Variants in ERN1 observed in about 807,000 individuals in gnomAD.
ERN1 encodes serine/threonine-protein kinase/endoribonuclease IRE1.
In ERN1, 39 loss-of-function variants were observed where a neutral mutation model predicts 113.1. The ratio of observed to expected loss-of-function variants is 0.34; its 90% CI spans 0.27 to 0.45. The LOEUF is 0.45. ERN1 is among the 20% of genes least tolerant of loss of function. ERN1 has a pLI of 1.00. For synonymous variants in ERN1, 507 were observed against 515.9 expected (o/e 0.98, Z 0.23); for missense variants, 976 against 1,274.8 (o/e 0.77, Z 3.57).
intron 17 of ERN1, among the ~76,000 whole-genome samples, chr17:64,051,409 A>AGAG (rs1183496566): frequency 2.6e-5 from 4 of 152,362 alleles, no homozygotes; most frequent in Admixed American, 2.6e-4. Flanking sequence ...AGCATCACTA[A>AGAG]GAGGAGGTGA....
Position 64,111,701 on chromosome 17 carries a change from G to C in ERN1, c.55-13460C>G, listed in dbSNP as rs141854922. 1.1e-3 allele frequency among the ~76,000 whole-genome samples: 170 copies of C among 152,228 alleles called. 1 individual carries two copies. Among genetic ancestry groups the C allele is most frequent in the African/African-American group, 3.5e-3 (146 of 41,540 alleles). ...CCATCTTCTCTAGGTCCCAGAAGTG[G>C]ACCTGGGCATCTGGATTGTGGGGCA... is the stretch of plus-strand genomic sequence containing the variant. On this transcript the variant is annotated intron_variant, in intron 1 of 21. Coordinates refer to ENST00000433197, the MANE Select transcript of ERN1 (RefSeq NM_001433.5).
chr17:64,105,783 T>C (rs987262547), intron 1 of ERN1, among the ~76,000 whole-genome samples: 1 of 152,134 alleles, frequency 6.6e-6, no homozygotes, highest in Admixed American at 6.5e-5. Context: ...CTGGCCAACG[T>C]GGTGAAACCC....
chr17:64,049,328 A>G lies in ERN1; in HGVS notation c.2254-126T>C, dbSNP rs1912611611. The stretch of plus-strand genomic sequence containing the variant: ...AGGTGTCCTGGGAGAATCAGCTGAC[A>G]TATGTGAGCTGCACAGAGCAGCGAG... On this transcript the variant is annotated intron_variant, in intron 17 of 21. Coordinates refer to ENST00000433197, the MANE Select transcript of ERN1 (RefSeq NM_001433.5). This position sits in a 1 kb window ranked among gnomAD's most constrained non-coding sequence, Gnocchi z 4.7. 1 of 996,258 alleles carries G rather than the reference A, an allele frequency of 1.0e-6. No individual in the cohort carries two copies. Among genetic ancestry groups the G allele is most frequent in the Non-Finnish European group, 1.4e-6 (1 of 702,080 alleles). 61.7% of individuals were successfully genotyped at this position (996,258 alleles called of 1,614,324 possible). A position where few individuals can be genotyped will look rare whatever the true frequency, so the allele number is the denominator to read the frequency against.
chr17:64,107,065 C>T (rs1182890999), intron 1 of ERN1, among the ~76,000 whole-genome samples: 1 of 152,130 alleles, frequency 6.6e-6, no homozygotes, highest in African/African-American at 2.4e-5. Context: ...CTTTCTAATA[C>T]CATTTCATCA....
intron 10 of ERN1, among the ~76,000 whole-genome samples, chr17:64,062,994 C>T (rs2143364845): frequency 6.6e-6 from 1 of 152,358 alleles, no homozygotes; most frequent in Admixed American, 6.5e-5. Flanking sequence ...ACCTACACCG[C>T]ACTGCCTGGC....
chr17:64,119,376 G>GTTGTTTTTTTTTTTTTTTTTTTTTTTTT (rs777806993), intron 1 of ERN1, among the ~76,000 whole-genome samples: 3 of 77,910 alleles, frequency 3.9e-5, no homozygotes, highest in African/African-American at 1.7e-4. Context: ...TTTTTTCTAG[G>GTTGTTTTTTTTTTTTTTTTTTTTTTTTT]TTTTTTTTTT....
At chr17:64,079,278 C>G (rs1010986889) in intron 4 of ERN1, among the ~76,000 whole-genome samples, 9 of 152,236 alleles carry the variant, frequency 5.9e-5, no homozygotes, top group Admixed American at 1.3e-4. Context: ...GGTAGAATAT[C>G]ACATGACTCC....
In ERN1 at chr17:64,049,439, C is replaced by T. The variant is rs970979414; in HGVS notation, c.2254-237G>A. ...CACCTGGAAGCCCCTGGTTCCCTCT[C>T]ATGTGAGATGAGGACACTGACAGCA... On this transcript the variant is annotated intron_variant, in intron 17 of 21. Coordinates refer to ENST00000433197, the MANE Select transcript of ERN1 (RefSeq NM_001433.5). This position sits in a 1 kb window ranked among gnomAD's most constrained non-coding sequence, Gnocchi z 4.7. Among the ~76,000 whole-genome samples the T allele has an allele frequency of 6.6e-6, 1 of 152,198 alleles. No individual in the cohort carries two copies. Among genetic ancestry groups the T allele is most frequent in the Non-Finnish European group, 1.5e-5 (1 of 68,020 alleles).
chr17:64,045,255 A>G lies in ERN1; in HGVS notation c.2653+104T>C. On this transcript the variant is annotated intron_variant, in intron 20 of 21. Coordinates refer to ENST00000433197, the MANE Select transcript of ERN1 (RefSeq NM_001433.5). ...GAAAGTCTCAAACCTGACAGGTGGGATGTGGGGCCTGAACAGCCTGGAGCG... is the reference window on the plus strand; with the variant it reads ...GAAAGTCTCAAACCTGACAGGTGGGGTGTGGGGCCTGAACAGCCTGGAGCG... 2.3e-6 allele frequency: 3 copies of G among 1,331,854 alleles called. No individual in the cohort carries two copies. The Admixed American group carries it at 5.6e-5, about 25-fold the overall frequency. The allele number at this position is 1,331,854 out of a possible 1,614,324, so 82.5% of individuals were successfully genotyped here.
At chr17:64,073,032 G>A (rs1913471839) in intron 5 of ERN1, among the ~76,000 whole-genome samples, 1 of 145,522 alleles carries the variant, frequency 6.9e-6, no homozygotes, top group Non-Finnish European at 1.5e-5. Context: ...TTGAGACAGA[G>A]TCTTGCTCTG....
chr17:64,100,028 C>A (rs114212203), intron 1 of ERN1, among the ~76,000 whole-genome samples: 1 of 152,174 alleles, frequency 6.6e-6, no homozygotes, highest in Admixed American at 6.5e-5. Flanking sequence ...GAGTATAAAT[C>A]GGCCAGGAAA....
Position 64,075,251 on chromosome 17 carries a change from TAAAAA to T in ERN1, c.283-9_283-5del. On this transcript the variant is annotated splice_polypyrimidine_tract_variant and splice_region_variant and intron_variant, in intron 4 of 21. Transcript: ENST00000433197. ...CTGGGATGGTAAAAGGAAGTTTCTT[TAAAAA>T]AAAAAAAAAAGAAAAAAAAAAGTTA... 7.8e-6 allele frequency: 10 copies of T among 1,288,338 alleles called. No homozygotes were observed. In the South Asian group the frequency reaches 9.2e-5, roughly 12 times the overall value. The allele number at this position is 1,288,338 out of a possible 1,614,324, so 79.8% of individuals were successfully genotyped here. A position where few individuals can be genotyped will look rare whatever the true frequency, so the allele number is the denominator to read the frequency against.
chr17:64,112,199 C>G (rs1366464593), intron 1 of ERN1, among the ~76,000 whole-genome samples: 2 of 152,134 alleles, frequency 1.3e-5, no homozygotes, highest in African/African-American at 4.8e-5. Context: ...AAAACCCCAT[C>G]TCTATTAAAT....
rs112294428 is a variant in ERN1 at position 64,080,689 on chromosome 17, G to A, written c.209+86C>T. Reference sequence around the variant, plus strand: ...TTATTCCTCAAACTTACACATATATGCACTCCCAGCAACTGGCCTCATAAA... The same window carrying A: ...TTATTCCTCAAACTTACACATATATACACTCCCAGCAACTGGCCTCATAAA... On this transcript the variant is annotated intron_variant, in intron 3 of 21. Coordinates refer to ENST00000433197, the MANE Select transcript of ERN1 (RefSeq NM_001433.5). 150 of 1,206,840 alleles carry A rather than the reference G, an allele frequency of 1.2e-4. 2 individuals carry two copies. In the African/African-American group the frequency reaches 1.6e-3, roughly 13 times the overall value. 74.8% of individuals were successfully genotyped at this position (1,206,840 alleles called of 1,614,324 possible). A position where few individuals can be genotyped will look rare whatever the true frequency, so the allele number is the denominator to read the frequency against.
At chr17:64,048,699 A>G (rs1034811728) in intron 18 of ERN1, among the ~76,000 whole-genome samples, 2 of 152,112 alleles carry the variant, frequency 1.3e-5, no homozygotes, top group South Asian at 2.1e-4. Flanking sequence ...CCATCCCAAG[A>G]GAGAAGACAA....
In ERN1 at chr17:64,113,641, C is replaced by T. The variant is rs1334329361; in HGVS notation, c.55-15400G>A. Among the ~76,000 whole-genome samples, 6 of 151,324 alleles carry T rather than the reference C, an allele frequency of 4.0e-5. No homozygotes were observed. In the East Asian group the frequency reaches 1.2e-3, roughly 29 times the overall value. On this transcript the variant is annotated intron_variant, in intron 1 of 21. Coordinates refer to ENST00000433197, the MANE Select transcript of ERN1 (RefSeq NM_001433.5). ...TTTCCCGCCTCAGCCTCTGGAGTAG[C>T]TGGGATTATAGGCACGAGTCACCAT...
chr17:64,081,007 CA>C (rs1214976985), intron 2 of ERN1, among the ~76,000 whole-genome samples, 199 bp from the exon 3 acceptor site: 1 of 152,162 alleles, frequency 6.6e-6, no homozygotes, highest in Non-Finnish European at 1.5e-5. Context: ...CACAATGATG[CA>C]AATGTAAGCT....
chr17:64,047,840 G>A lies in ERN1; in HGVS notation c.2529+18C>T. The A allele has an allele frequency of 1.3e-6, 2 of 1,563,620 alleles. No individual in the cohort carries two copies. The highest frequency in any genetic ancestry group is 1.7e-6 in the Non-Finnish European group (2 of 1,154,892). On this transcript the variant is annotated intron_variant, in intron 19 of 21. Transcript: ENST00000433197. ...ACATTAAATGAAGACTCTGGATAAA[G>A]AGAACAGACGTCTCTACCTGGAAGA...
At chr17:64,111,115 G>A (rs1411045085) in intron 1 of ERN1, among the ~76,000 whole-genome samples, 2 of 152,156 alleles carry the variant, frequency 1.3e-5, no homozygotes, top group Non-Finnish European at 1.5e-5. Flanking sequence ...GGCAGGAATG[G>A]ACAAGGGACC....
Sources: gnomAD v4.1 joint callset for allele counts (sites outside exome capture counted in the v4.1 genomes callset) on GRCh38, gnomAD v4.1.1 for gene constraint, Gnocchi (gnomAD v3.1) non-coding constraint, MANE v1.5 for transcripts, NCBI Gene and HGNC (gene_info 2026-07-23, HGNC 2026-07-21) for gene names.